NUTF2: variants seen among roughly 807,000 people sequenced by gnomAD.
The protein encoded by NUTF2 is nuclear transport factor 2.
Under a neutral mutation model 18.5 loss-of-function variants are expected in NUTF2, and 3 were observed. The observed-to-expected ratio is 0.16, with a 90% CI of 0.07 to 0.42. NUTF2 has a LOEUF of 0.42. Ranked by LOEUF, NUTF2 falls within the 10% of genes least tolerant of loss-of-function variation. NUTF2 has a pLI of 0.99. For synonymous variants in NUTF2, 51 were observed against 57.9 expected, an observed-to-expected ratio of 0.88 and a Z score of 0.54; for missense variants, 44 against 160.7, an observed-to-expected ratio of 0.27 and a Z score of 3.93.
intron 1 of NUTF2, among the ~76,000 whole-genome samples, chr16:67,862,723 T>C (rs1265595420): frequency 6.6e-6 from 1 of 152,116 alleles, no homozygotes; most frequent in Non-Finnish European, 1.5e-5. Flanking sequence ...GAGTCTCAGC[T>C]CCTTGGGAGG....
At chr16:67,866,118 C>G (rs2057969223) in intron 2 of NUTF2, among the ~76,000 whole-genome samples, 1 of 152,128 alleles carries the variant, frequency 6.6e-6, no homozygotes, top group African/African-American at 2.4e-5. Context: ...GGCAGGTGAG[C>G]CCAGGATGGG....
chr16:67,853,899 C>G (rs1266216969), intron 1 of NUTF2, among the ~76,000 whole-genome samples: 1 of 152,170 alleles, frequency 6.6e-6, no homozygotes. Flanking sequence ...CCTCCTGCCT[C>G]AACCTCCCAA....
chr16:67,868,191 G>A, intron 2 of NUTF2, 149 bp from the exon 3 acceptor site: 1 of 649,290 alleles, frequency 1.5e-6, no homozygotes, highest in Non-Finnish European at 2.7e-6. Flanking sequence ...TGTAATGTTT[G>A]GGGGCTATAC....
At position 67,868,570 on chromosome 16, in the gene NUTF2, A is replaced by G; in HGVS notation, c.241A>G (p.Ile81Val). ...QDHQPTPDSC[I>V]ISMVVGQLKA... is the part of the protein sequence containing the mutation. ...CCATCAGCCCACTCCAGATAGCTGC[A>G]TCATCAGCATGGTTGTGGGCCAGCT... The change falls in exon 4 of 5, where the codon ATC (isoleucine) becomes GTC (valine). Residue 81 changes from isoleucine (I) to valine (V), a missense_variant. Coordinates refer to ENST00000219169, the MANE Select transcript of NUTF2 (RefSeq NM_005796.3). 1 of 1,614,032 alleles carries G rather than the reference A, an allele frequency of 6.2e-7. No individual in the cohort carries two copies. Among genetic ancestry groups the G allele is most frequent in the Non-Finnish European group, 8.5e-7 (1 of 1,179,974 alleles).
chr16:67,855,057 G>A (rs768665981), intron 1 of NUTF2, among the ~76,000 whole-genome samples: 1 of 151,944 alleles, frequency 6.6e-6, no homozygotes, highest in Non-Finnish European at 1.5e-5. Context: ...TGAGAATGAT[G>A]TTTGTGTGTT....
intron 1 of NUTF2, among the ~76,000 whole-genome samples, chr16:67,861,975 C>G (rs778298379): frequency 2.0e-5 from 3 of 151,842 alleles, no homozygotes; most frequent in Non-Finnish European, 4.4e-5. Flanking sequence ...AGGGGACTTT[C>G]CTGTGTACAA....
intron 1 of NUTF2, among the ~76,000 whole-genome samples, chr16:67,848,837 G>A (rs1337037480): frequency 6.6e-6 from 1 of 151,948 alleles, no homozygotes; most frequent in Non-Finnish European, 1.5e-5. Flanking sequence ...CTCTTAGAAG[G>A]GCTGATTGAG....
At chr16:67,870,671 A>G in intron 4 of NUTF2, 129 bp from the exon 5 acceptor site, 3 of 747,006 alleles carry the variant, frequency 4.0e-6, no homozygotes, top group Non-Finnish European at 7.3e-6. Flanking sequence ...CCTTGGCTAC[A>G]CTGGGATTTG....
At chr16:67,859,752 TC>T (rs2057922228) in intron 1 of NUTF2, among the ~76,000 whole-genome samples, 1 of 145,032 alleles carries the variant, frequency 6.9e-6, no homozygotes, top group Admixed American at 7.0e-5. Flanking sequence ...CGCCTTGGCC[TC>T]CCAAAATGTT....
intron 1 of NUTF2, among the ~76,000 whole-genome samples, chr16:67,851,624 A>G (rs149209126): frequency 0.01 from 1,562 of 152,246 alleles, 12 homozygotes; most frequent in South Asian, 0.023. Flanking sequence ...CGTCATTTAC[A>G]TTAGGTGTAT....
intron 2 of NUTF2, among the ~76,000 whole-genome samples, chr16:67,867,801 C>T (rs1295560645): frequency 6.6e-6 from 1 of 152,174 alleles, no homozygotes; most frequent in African/African-American, 2.4e-5. Context: ...AATTCTCCTG[C>T]CTCAGCCTCC....
At chr16:67,848,597 C>A (rs1419066375) in intron 1 of NUTF2, among the ~76,000 whole-genome samples, 1 of 151,196 alleles carries the variant, frequency 6.6e-6, no homozygotes, top group Non-Finnish European at 1.5e-5. Context: ...ATAAAAAAAG[C>A]TGGGTGTGGT....
At chr16:67,869,745 A>G (rs2057999118) in intron 4 of NUTF2, among the ~76,000 whole-genome samples, 1 of 152,170 alleles carries the variant, frequency 6.6e-6, no homozygotes, top group Admixed American at 6.5e-5. Flanking sequence ...AGATTGCACC[A>G]TTGCACTCTA....
intron 1 of NUTF2, among the ~76,000 whole-genome samples, chr16:67,860,582 GGGT>G (rs1381312421): frequency 6.6e-6 from 1 of 152,240 alleles, no homozygotes; most frequent in Non-Finnish European, 1.5e-5. Context: ...TGGGCCTGAG[GGGT>G]TTAAGCCATG....
chr16:67,853,390 C>G (rs1040660429), intron 1 of NUTF2, among the ~76,000 whole-genome samples: 2 of 152,098 alleles, frequency 1.3e-5, no homozygotes, highest in Admixed American at 6.5e-5. Context: ...CGGAGTCTCA[C>G]TCTGTCTCCC....
chr16:67,867,771 G>A (rs548873064), intron 2 of NUTF2, among the ~76,000 whole-genome samples: 5 of 152,034 alleles, frequency 3.3e-5, no homozygotes, highest in East Asian at 1.9e-4. Flanking sequence ...GCTACAAACC[G>A]CCGCCTCCTG....
chr16:67,865,690 AC>A (rs2057965712), intron 2 of NUTF2, among the ~76,000 whole-genome samples: 1 of 147,462 alleles, frequency 6.8e-6, no homozygotes. Context: ...CATTTCACAA[AC>A]CCTTCTATGC....
chr16:67,848,290 G>A (rs2057823337), intron 1 of NUTF2, among the ~76,000 whole-genome samples: 1 of 152,142 alleles, frequency 6.6e-6, no homozygotes, highest in South Asian at 2.1e-4. Context: ...AGAGACTAAA[G>A]AAGTAGCTCA....
chr16:67,865,088 C>G lies in NUTF2; in HGVS notation c.-29-14C>G. 2.2e-6 allele frequency: 3 copies of G among 1,365,110 alleles called. No homozygotes were observed. Among genetic ancestry groups the G allele is most frequent in the Non-Finnish European group, 3.1e-6 (3 of 957,640 alleles). 84.6% of individuals were successfully genotyped at this position (1,365,110 alleles called of 1,614,324 possible). On this transcript the variant is annotated splice_polypyrimidine_tract_variant and intron_variant, in intron 1 of 4. Transcript: ENST00000219169. The stretch of plus-strand genomic sequence containing the variant: ...GGTACCAATGCTTCCCTCCTGGTCT[C>G]ATTGGTCTTGCAGGTCTCCGTGAGG...
Sources: gnomAD v4.1 joint callset for allele counts (sites outside exome capture counted in the v4.1 genomes callset) on GRCh38, gnomAD v4.1.1 for gene constraint, MANE v1.5 for transcripts, NCBI Gene and HGNC (gene_info 2026-07-23, HGNC 2026-07-21) for gene names.